Variants in MAGI2 observed in about 807,000 individuals in gnomAD.
The protein encoded by MAGI2 is membrane-associated guanylate kinase, WW and PDZ domain-containing protein 2.
A neutral mutation model predicts 133.3 loss-of-function variants in MAGI2; 35 were observed. The ratio of observed to expected loss-of-function variants is 0.26; its 90% CI spans 0.20 to 0.35. The LOEUF is 0.35. Ranked by LOEUF, MAGI2 falls within the 10% of genes least tolerant of loss-of-function variation. The pLI is 1.00. For synonymous variants in MAGI2, 729 were observed against 710.6 expected (o/e 1.03, Z -0.41); for missense variants, 1,636 against 1,863.4 (o/e 0.88, Z 2.25).
At chr7:78,253,608 C>A (rs1563331511) in intron 10 of MAGI2, 1 of 152,104 alleles carries the variant, frequency 6.6e-6, no homozygotes. Flanking sequence ...CATACACGTG[C>A]TAGTAGACCA....
intron 6 of MAGI2, among the ~76,000 whole-genome samples, chr7:78,463,690 A>G (rs1013452147): frequency 1.3e-5 from 2 of 152,188 alleles, no homozygotes; most frequent in African/African-American, 4.8e-5. Context: ...GAAAGTGATG[A>G]GCTAGAGAAA....
At chr7:78,456,236 G>A (rs893977662) in intron 6 of MAGI2, among the ~76,000 whole-genome samples, 17 of 152,000 alleles carry the variant, frequency 1.1e-4, no homozygotes, top group Admixed American at 6.6e-4. Context: ...GTTGTTATTG[G>A]TGGTGTGGCA....
At chr7:79,136,615 T>G (rs186141200) in intron 1 of MAGI2, among the ~76,000 whole-genome samples, 1 of 152,352 alleles carries the variant, frequency 6.6e-6, no homozygotes, top group East Asian at 1.9e-4. Context: ...AAATATTACC[T>G]CTTCTAGGAT....
intron 3 of MAGI2, among the ~76,000 whole-genome samples, chr7:78,573,358 T>G (rs1801901595): frequency 5.0e-5 from 2 of 39,948 alleles, no homozygotes; most frequent in Non-Finnish European, 7.7e-5. Context: ...AGAGAGAGAA[T>G]CCTGGAAATA....
At chr7:78,463,045 G>A (rs1790228160) in intron 6 of MAGI2, among the ~76,000 whole-genome samples, 1 of 152,220 alleles carries the variant, frequency 6.6e-6, no homozygotes, top group Non-Finnish European at 1.5e-5. Flanking sequence ...AGAGTTAAAT[G>A]GCAGCTTATA....
intron 13 of MAGI2, chr7:78,184,364 A>C (rs991978083): frequency 7.9e-5 from 12 of 152,228 alleles, no homozygotes; most frequent in Admixed American, 2.0e-4. Context: ...ATTTTAGGAG[A>C]AAACACTAAA....
intron 1 of MAGI2, among the ~76,000 whole-genome samples, chr7:79,277,744 A>G (rs1198666218): frequency 1.3e-5 from 2 of 152,094 alleles, no homozygotes; most frequent in Non-Finnish European, 2.9e-5. Context: ...TTCTTAGAGC[A>G]TTTTCTTTAG....
At chr7:78,233,213 A>C (rs1372199868) in intron 10 of MAGI2, among the ~76,000 whole-genome samples, 1 of 152,164 alleles carries the variant, frequency 6.6e-6, no homozygotes, top group African/African-American at 2.4e-5. Flanking sequence ...TTACAGAGTG[A>C]TAAAACAAAA....
chr7:78,095,355 G>A (rs889654956), intron 20 of MAGI2, among the ~76,000 whole-genome samples: 4 of 152,268 alleles, frequency 2.6e-5, no homozygotes. Flanking sequence ...CCAAACTACA[G>A]CCTCTTCAGT....
At chr7:78,054,959 T>A (rs186194091) in intron 21 of MAGI2, among the ~76,000 whole-genome samples, 1 of 152,020 alleles carries the variant, frequency 6.6e-6, no homozygotes, top group Admixed American at 6.6e-5. Flanking sequence ...GACCTTAACC[T>A]TATTTCTTTT....
chr7:78,580,797 T>C (rs942816891), intron 3 of MAGI2, among the ~76,000 whole-genome samples: 1 of 152,188 alleles, frequency 6.6e-6, no homozygotes, highest in African/African-American at 2.4e-5. Flanking sequence ...ATTTTAGTCA[T>C]ATTATTCATT....
At chr7:78,098,299 A>C (rs943013438) in intron 20 of MAGI2, among the ~76,000 whole-genome samples, 3 of 152,166 alleles carry the variant, frequency 2.0e-5, no homozygotes, top group African/African-American at 7.2e-5. Context: ...CATATCCATA[A>C]GGAATATACA....
intron 1 of MAGI2, among the ~76,000 whole-genome samples, chr7:79,325,755 G>A (rs1463542402): frequency 6.6e-6 from 1 of 152,162 alleles, no homozygotes; most frequent in East Asian, 1.9e-4. Context: ...TGGTTTGCAT[G>A]TGTATAAAAT....
intron 6 of MAGI2, among the ~76,000 whole-genome samples, chr7:78,441,033 G>A (rs1787570483): frequency 6.6e-6 from 1 of 152,288 alleles, no homozygotes; most frequent in African/African-American, 2.4e-5. Context: ...TGTGGGACTT[G>A]AGGGAGATAT....
intron 3 of MAGI2, among the ~76,000 whole-genome samples, 164 bp downstream of exon 3, chr7:78,626,952 CTTAA>C (rs1046541256): frequency 6.6e-6 from 1 of 151,474 alleles, no homozygotes; most frequent in Non-Finnish European, 1.5e-5. Context: ...TAAAAGTACA[CTTAA>C]TTGAGATGTA....
chr7:78,418,334 T>G (rs1389681032), intron 6 of MAGI2, among the ~76,000 whole-genome samples: 1 of 152,138 alleles, frequency 6.6e-6, no homozygotes, highest in Admixed American at 6.6e-5. Context: ...TGTTAACATT[T>G]TTTTGAGATC....
At chr7:79,049,456 G>T (rs1405813487) in intron 1 of MAGI2, among the ~76,000 whole-genome samples, 1 of 152,050 alleles carries the variant, frequency 6.6e-6, no homozygotes, top group Non-Finnish European at 1.5e-5. Flanking sequence ...AGGCTGAGAA[G>T]TTATACACAG....
chr7:79,343,908 G>A (rs986803692), intron 1 of MAGI2, among the ~76,000 whole-genome samples: 1 of 152,140 alleles, frequency 6.6e-6, no homozygotes, highest in African/African-American at 2.4e-5. Context: ...CTGTATACAA[G>A]CTTGTCATGC....
intron 10 of MAGI2, among the ~76,000 whole-genome samples, chr7:78,244,953 A>T (rs1182687658): frequency 6.6e-6 from 1 of 152,214 alleles, no homozygotes; most frequent in Non-Finnish European, 1.5e-5. Flanking sequence ...CCAGTATTGT[A>T]TTTAAGAGTG....
Sources: allele counts gnomAD v4.1 joint callset (sites outside exome capture counted in the v4.1 genomes callset), GRCh38; gene constraint gnomAD v4.1.1; transcripts MANE v1.5; gene names NCBI Gene and HGNC (gene_info 2026-07-23, HGNC 2026-07-21).